The following METTL15 variants were observed in gnomAD, a reference collection of about 807,000 sequenced individuals.
METTL15 encodes the protein methyltransferase 15, mitochondrial 12S rRNA N4-cytidine.
METTL15 carries 34 observed loss-of-function variants against 38.3 expected under a neutral mutation model. The observed-to-expected ratio is 0.89, with a 90% CI of 0.68 to 1.18. The LOEUF is 1.18. Among genes scored for constraint, METTL15 ranks in the 50% most tolerant of loss-of-function variants. The pLI, the probability that METTL15 is intolerant of heterozygous loss-of-function variation, is 0.00. For missense variants in METTL15, 438 were observed against 498.4 expected (o/e 0.88, Z 1.15); for synonymous variants, 162 against 170.9 (o/e 0.95, Z 0.41).
intron 5 of METTL15, among the ~76,000 whole-genome samples, chr11:28,372,240 T>C (rs1590348915): frequency 6.6e-6 from 1 of 152,164 alleles, no homozygotes; most frequent in African/African-American, 2.4e-5. Context: ...TATCATATGG[T>C]TTTTGTTCCT....
rs575899197 is a variant in METTL15 at position 28,183,994 on chromosome 11, G to T, written c.271-27068G>T. On this transcript the variant is annotated intron_variant, in intron 3 of 6. Transcript: ENST00000407364. The stretch of plus-strand genomic sequence containing the variant: ...TCGTGTTTTACTCTTGGGAGGGTGT[G>T]TGTGTCCAGGAATTTATCCATTTCT... Among the ~76,000 whole-genome samples, 52 of 151,808 alleles carry T rather than the reference G, an allele frequency of 3.4e-4. 1 individual carries two copies. The highest frequency in any genetic ancestry group is 3.4e-3 in the Middle Eastern group (1 of 294).
At position 28,273,517 on chromosome 11, in the gene METTL15, T is replaced by C. The variant is rs564618411; in HGVS notation, c.408-16689T>C. On this transcript the variant is annotated intron_variant, in intron 4 of 6. Coordinates refer to ENST00000407364, the MANE Select transcript of METTL15 (RefSeq NM_001113528.2). ...ATCTACTATGGCCAACAACTGTTGC[T>C]ATTTTTGTGCACCTAGAGCTGTAGT... Among the ~76,000 whole-genome samples the C allele has an allele frequency of 8.5e-5, 13 of 152,262 alleles. No homozygotes were observed. The South Asian group carries it at 2.3e-3, about 27-fold the overall frequency.
intron 4 of METTL15, among the ~76,000 whole-genome samples, chr11:28,359,917 G>A (rs1850121856): frequency 6.6e-6 from 1 of 152,090 alleles, no homozygotes; most frequent in South Asian, 2.1e-4. Flanking sequence ...TTTTTGAGAG[G>A]TTCGAAACTG....
At chr11:28,174,298 A>G (rs1379214174) in intron 3 of METTL15, among the ~76,000 whole-genome samples, 1 of 151,636 alleles carries the variant, frequency 6.6e-6, no homozygotes, top group Non-Finnish European at 1.5e-5. Context: ...ATTTTGAATC[A>G]TAGTTAGTGA....
At chr11:28,294,641 G>A (rs1284029727) in intron 5 of METTL15, among the ~76,000 whole-genome samples, 1 of 152,074 alleles carries the variant, frequency 6.6e-6, no homozygotes, top group East Asian at 1.9e-4. Context: ...GTCACTGTAA[G>A]TCAGTGAACT....
intron 5 of METTL15, among the ~76,000 whole-genome samples, chr11:28,407,550 T>C (rs1040168754): frequency 1.3e-5 from 2 of 152,118 alleles, no homozygotes; most frequent in African/African-American, 4.8e-5. Flanking sequence ...CCAAAAAGAA[T>C]ATTAGTAAAA....
chr11:28,204,019 T>G (rs1852214517), intron 3 of METTL15, among the ~76,000 whole-genome samples: 1 of 152,046 alleles, frequency 6.6e-6, no homozygotes, highest in Non-Finnish European at 1.5e-5. Flanking sequence ...GTCTTATATT[T>G]TGAAGAATGT....
At chr11:28,433,484 C>T (rs190869889) in intron 6 of METTL15, among the ~76,000 whole-genome samples, 1 of 152,238 alleles carries the variant, frequency 6.6e-6, no homozygotes, top group African/African-American at 2.4e-5. Context: ...TTCAGTTTCT[C>T]ATGTGTAAAA....
At chr11:28,323,586 C>T (rs1003461016) in intron 6 of METTL15, among the ~76,000 whole-genome samples, 1 of 152,044 alleles carries the variant, frequency 6.6e-6, no homozygotes, top group Non-Finnish European at 1.5e-5. Flanking sequence ...TGCCAAGGTT[C>T]AGTTAAGAGC....
At chr11:28,115,220 A>G (rs1017448400) in intron 3 of METTL15, among the ~76,000 whole-genome samples, 3 of 152,128 alleles carry the variant, frequency 2.0e-5, no homozygotes, top group African/African-American at 7.2e-5. Context: ...ACCTTGCTGA[A>G]AACATAAACA....
In METTL15 at chr11:28,311,001, TGTGAGA is replaced by T. The variant is rs1233706973; in HGVS notation, c.778+14072_778+14077del. Among the ~76,000 whole-genome samples the T allele has an allele frequency of 9.1e-4, 125 of 137,924 alleles. 3 individuals are homozygous for T. Among genetic ancestry groups the T allele is most frequent in the African/African-American group, 3.8e-3 (121 of 31,824 alleles). The allele number at this position is 137,924 out of a possible 152,430, so 90.5% of individuals were successfully genotyped here. A position where few individuals can be genotyped will look rare whatever the true frequency, so the allele number is the denominator to read the frequency against. ...GTGTGTGTGTGTGTGTGTGTGTGTGTGTGAGAGAGAGAGAGAGAGAGAGGAAGAGAG... is the reference window on the plus strand; with the variant it reads ...GTGTGTGTGTGTGTGTGTGTGTGTGTGAGAGAGAGAGAGAGAGGAAGAGAG... On this transcript the variant is annotated intron_variant, in intron 6 of 6. Coordinates refer to ENST00000407364, the MANE Select transcript of METTL15 (RefSeq NM_001113528.2).
chr11:28,314,825 A>G (rs933862121), intron 6 of METTL15, among the ~76,000 whole-genome samples: 1 of 152,156 alleles, frequency 6.6e-6, no homozygotes, highest in Non-Finnish European at 1.5e-5. Flanking sequence ...CTGATAGTGA[A>G]TGGGTCTCAC....
downstream of METTL15, among the ~76,000 whole-genome samples, chr11:28,529,430 T>C (rs748561411): frequency 6.6e-6 from 1 of 152,038 alleles, no homozygotes; most frequent in Non-Finnish European, 1.5e-5. Context: ...AATTTCTTGT[T>C]ATTCTTCCAT....
chr11:28,409,672 AAAG>A (rs1271276287), intron 5 of METTL15, among the ~76,000 whole-genome samples: 2 of 152,100 alleles, frequency 1.3e-5, no homozygotes, highest in Non-Finnish European at 2.9e-5. Context: ...CTACATTAAA[AAAG>A]AAGAAAAATA....
intron 4 of METTL15, among the ~76,000 whole-genome samples, chr11:28,232,922 T>C (rs1003725383): frequency 2.0e-5 from 3 of 152,054 alleles, no homozygotes; most frequent in African/African-American, 7.2e-5. Flanking sequence ...TTTTTTTCTC[T>C]TATTAATATA....
intron 3 of METTL15, among the ~76,000 whole-genome samples, chr11:28,180,390 C>G (rs929264629): frequency 2.6e-5 from 4 of 151,762 alleles, no homozygotes; most frequent in African/African-American, 9.7e-5. Flanking sequence ...CTAGAGCTGT[C>G]TAAAATATAG....
chr11:28,373,177 A>T (rs1203914950), intron 5 of METTL15, among the ~76,000 whole-genome samples: 1 of 152,072 alleles, frequency 6.6e-6, no homozygotes, highest in Non-Finnish European at 1.5e-5. Flanking sequence ...CTAGTTCTAG[A>T]TCCCTGAGGA....
intron 6 of METTL15, among the ~76,000 whole-genome samples, chr11:28,513,405 A>G (rs1851692711): frequency 6.6e-6 from 1 of 152,240 alleles, no homozygotes; most frequent in Non-Finnish European, 1.5e-5. Flanking sequence ...TTCCCTCAGC[A>G]GTAAAATGGG....
At chr11:28,457,222 A>G (rs577174284) in intron 6 of METTL15, among the ~76,000 whole-genome samples, 2 of 152,348 alleles carry the variant, frequency 1.3e-5, no homozygotes, top group Admixed American at 6.5e-5. Context: ...CATATGTGCA[A>G]TGTAAGCCCA....
Sources: allele counts gnomAD v4.1 joint callset (sites outside exome capture counted in the v4.1 genomes callset), GRCh38; gene constraint gnomAD v4.1.1; transcripts MANE v1.5; gene names NCBI Gene and HGNC (gene_info 2026-07-23, HGNC 2026-07-21).